TRRAP: variants seen among roughly 807,000 people sequenced by gnomAD.
TRRAP encodes transformation/transcription domain-associated protein.
A neutral mutation model predicts 438.8 loss-of-function variants in TRRAP; 41 were observed. The observed-to-expected ratio is 0.09, with a 90% CI of 0.07 to 0.12. TRRAP has a LOEUF of 0.12. Ranked by LOEUF, TRRAP falls within the 10% of genes least tolerant of loss-of-function variation. The pLI is 1.00. For missense variants in TRRAP, 3,122 were observed against 5,055.1 expected, an observed-to-expected ratio of 0.62 and a Z score of 11.60; for synonymous variants, 1,994 against 1,962.9, an observed-to-expected ratio of 1.02 and a Z score of -0.42.
chr7:98,975,803 T>G (rs1792629078), intron 53 of TRRAP, among the ~76,000 whole-genome samples: 1 of 152,252 alleles, frequency 6.6e-6, no homozygotes, highest in Non-Finnish European at 1.5e-5. Context: ...CGGTGACATC[T>G]GTGTCCTTCT....
intron 21 of TRRAP, among the ~76,000 whole-genome samples, chr7:98,922,868 G>A (rs916237395): frequency 6.6e-6 from 1 of 152,128 alleles, no homozygotes; most frequent in African/African-American, 2.4e-5. Flanking sequence ...GTAGTACTGG[G>A]TGTGTTTACC....
chr7:98,909,406 C>G (rs1025783911), intron 14 of TRRAP, among the ~76,000 whole-genome samples: 7 of 152,186 alleles, frequency 4.6e-5, no homozygotes, highest in Admixed American at 3.9e-4. Context: ...AGGTTCAGAC[C>G]CAGGCTCCCC....
At chr7:98,906,095 C>A in intron 12 of TRRAP, 82 bp from the exon 13 acceptor site, 2 of 1,285,458 alleles carry the variant, frequency 1.6e-6, no homozygotes, top group Non-Finnish European at 2.2e-6. Flanking sequence ...GGCGGGCTGG[C>A]TACTTCGAAA....
chr7:98,884,863 C>A (rs143654599), intron 3 of TRRAP, among the ~76,000 whole-genome samples: 1 of 151,958 alleles, frequency 6.6e-6, no homozygotes, highest in Admixed American at 6.6e-5. Flanking sequence ...AGTCATGCTC[C>A]GGTACTGGCC....
At chr7:98,961,062 A>G (rs1957902321) in intron 45 of TRRAP, among the ~76,000 whole-genome samples, 199 bp from the exon 46 acceptor site, 1 of 152,246 alleles carries the variant, frequency 6.6e-6, no homozygotes, top group African/African-American at 2.4e-5. Flanking sequence ...TATTTTTAAA[A>G]AAGAGTTTGA....
At chr7:98,999,756 G>A (rs1025254530) in intron 67 of TRRAP, 3 of 633,580 alleles carry the variant, frequency 4.7e-6, no homozygotes, top group Non-Finnish European at 2.8e-6. Context: ...TACTATTCTG[G>A]GGGCACTCAT....
At chr7:98,970,495 G>C (rs749840075) in intron 52 of TRRAP, among the ~76,000 whole-genome samples, 1 of 152,204 alleles carries the variant, frequency 6.6e-6, no homozygotes, top group Non-Finnish European at 1.5e-5. Flanking sequence ...TTGGTCCTGC[G>C]GAAGAAGTTT....
At chr7:98,966,975 C>T (rs1792186824) in intron 49 of TRRAP, 66 bp from the exon 50 acceptor site, 3 of 1,532,214 alleles carry the variant, frequency 2.0e-6, no homozygotes, top group African/African-American at 1.4e-5. Context: ...ATTGTAGGAG[C>T]TTAAAAAATA....
At chr7:98,998,690 C>G (rs1285776620) in intron 67 of TRRAP, 1 of 167,698 alleles carries the variant, frequency 6.0e-6, no homozygotes, top group Non-Finnish European at 1.3e-5. Flanking sequence ...GCAGCCAGTA[C>G]ATGGCATCCA....
intron 30 of TRRAP, among the ~76,000 whole-genome samples, chr7:98,942,500 T>C (rs2237598): frequency 0.7 from 107,110 of 152,170 alleles, 42,180 homozygotes; most frequent in South Asian, 0.88. Flanking sequence ...CTTACAACAC[T>C]GTAATTGTAG....
chr7:98,889,651 G>A (rs1202469982), intron 3 of TRRAP, among the ~76,000 whole-genome samples: 3 of 150,826 alleles, frequency 2.0e-5, no homozygotes, highest in African/African-American at 7.3e-5. Flanking sequence ...AGTCTGAAGT[G>A]ATCCTTTTAC....
rs376021947 is a variant in TRRAP, at chr7:99,012,405, G to T, written c.*50G>T. The T allele has an allele frequency of 1.4e-5, 22 of 1,520,514 alleles. No individual in the cohort carries two copies. The highest frequency in any genetic ancestry group is 1.7e-5 in the Non-Finnish European group (19 of 1,129,484). The allele number at this position is 1,520,514 out of a possible 1,614,324, so 94.2% of individuals were successfully genotyped here. ...ATGTGAAGGGCGCTCCGGGCTCTGAGCCCGCAGCTTTTACGACTTCTCCCT... is the reference window on the plus strand; with the variant it reads ...ATGTGAAGGGCGCTCCGGGCTCTGATCCCGCAGCTTTTACGACTTCTCCCT... On this transcript the variant is annotated 3_prime_UTR_variant, in exon 73 of 73. Coordinates refer to ENST00000456197, the MANE Select transcript of TRRAP (RefSeq NM_001375524.1). The surrounding 1 kb of genome is among the most constrained non-coding windows in gnomAD (Gnocchi z 5.9).
intron 44 of TRRAP, among the ~76,000 whole-genome samples, chr7:98,958,364 G>T (rs1207493364): frequency 6.6e-6 from 1 of 151,654 alleles, no homozygotes; most frequent in African/African-American, 2.4e-5. Flanking sequence ...GTGCAGTGGT[G>T]CGATCTTGGC....
Position 98,976,916 on chromosome 7 carries a change from G to A in TRRAP, c.8248-23G>A, listed in dbSNP as rs747433315. The A allele has an allele frequency of 6.8e-6, 11 of 1,613,722 alleles. No homozygotes were observed. In the Admixed American group the frequency reaches 1.5e-4, roughly 22 times the overall value. On this transcript the variant is annotated intron_variant, in intron 55 of 72. Coordinates refer to ENST00000456197, the MANE Select transcript of TRRAP (RefSeq NM_001375524.1). The surrounding 1 kb of genome is among the most constrained non-coding windows in gnomAD (Gnocchi z 4.6). ...AAAAAGTCTCTGTCTCAAGCACTCA[G>A]GAACCTTACTTTGTGTTTTCAGGAG... is the stretch of plus-strand genomic sequence containing the variant.
chr7:98,956,331 C>T lies in TRRAP; in HGVS notation c.6096+27C>T, dbSNP rs1177860208. 1 of 1,613,536 alleles carries T rather than the reference C, an allele frequency of 6.2e-7. No individual in the cohort carries two copies. On this transcript the variant is annotated intron_variant, in intron 42 of 72. Coordinates refer to ENST00000456197, the MANE Select transcript of TRRAP (RefSeq NM_001375524.1). This position sits in a 1 kb window ranked among gnomAD's most constrained non-coding sequence, Gnocchi z 4.5. ...TAGGGGTGTCAGCCTCAGGGGTGCC[C>T]CGATCGTCTTCCTTTGACTTCTCCC...
At chr7:98,881,890 C>T in intron 2 of TRRAP, 85 bp from the exon 3 acceptor site, 1 of 1,470,384 alleles carries the variant, frequency 6.8e-7, no homozygotes. Flanking sequence ...GATTGCTTCT[C>T]TTAAATTACT....
At chr7:98,962,575 C>T (rs935055813) in intron 47 of TRRAP, 148 bp downstream of exon 47, 29 of 1,439,122 alleles carry the variant, frequency 2.0e-5, no homozygotes, top group Non-Finnish European at 2.5e-5. Context: ...GCCTGGGGCC[C>T]TCAAGGCCGC....
chr7:98,957,699 G>T (rs112624501), intron 43 of TRRAP, among the ~76,000 whole-genome samples: 1 of 152,018 alleles, frequency 6.6e-6, no homozygotes, highest in Non-Finnish European at 1.5e-5. Context: ...CTCATGGCCC[G>T]CTTCGTCTCA....
At chr7:98,978,076 T>G (rs1792749772) in intron 56 of TRRAP, 135 bp from the exon 57 acceptor site, 2 of 758,428 alleles carry the variant, frequency 2.6e-6, no homozygotes, top group Non-Finnish European at 4.3e-6. Flanking sequence ...GCCTAGGAAT[T>G]AAGAGTTTGA....
Sources: allele counts gnomAD v4.1 joint callset (sites outside exome capture counted in the v4.1 genomes callset), GRCh38; gene constraint gnomAD v4.1.1; non-coding constraint Gnocchi (gnomAD v3.1); transcripts MANE v1.5; gene names NCBI Gene and HGNC (gene_info 2026-07-23, HGNC 2026-07-21).